Variants in ZNF585B observed in about 807,000 individuals in gnomAD.
ZNF585B encodes zinc finger protein 41-like protein.
A neutral mutation model predicts 14.0 loss-of-function variants in ZNF585B; 7 were observed. The observed-to-expected ratio is 0.50, with a 90% confidence interval of 0.28 to 0.94. The LOEUF (loss-of-function observed/expected upper bound fraction) is 0.94, where lower values mean the gene tolerates loss of function less well. ZNF585B is among the 40% of genes least tolerant of loss of function. The pLI is 0.09. For missense variants in ZNF585B, 750 were observed against 924.4 expected (o/e 0.81, Z 2.45); for synonymous variants, 290 against 317.3 (o/e 0.91, Z 0.91).
chr19:37,204,604 T>A (rs774310539), intron 2 of ZNF585B, among the ~76,000 whole-genome samples: 36 of 152,220 alleles, frequency 2.4e-4, no homozygotes, highest in Non-Finnish European at 3.2e-4. Context: ...AGACAAAGTC[T>A]ATCTCTTTCA....
At chr19:37,198,325 C>A (rs1409165402) in intron 2 of ZNF585B, among the ~76,000 whole-genome samples, 1 of 151,996 alleles carries the variant, frequency 6.6e-6, no homozygotes, top group Non-Finnish European at 1.5e-5. Flanking sequence ...GCATGTGCCA[C>A]CATGCCCGGC....
At chr19:37,205,269 A>T (rs1419488516) in intron 2 of ZNF585B, among the ~76,000 whole-genome samples, 1 of 152,136 alleles carries the variant, frequency 6.6e-6, no homozygotes, top group Non-Finnish European at 1.5e-5. Flanking sequence ...GAATAAAATT[A>T]TTAAGATACT....
Position 37,186,238 on chromosome 19 carries a change from A to G in ZNF585B, c.1299T>C (p.Thr433=), listed in dbSNP as rs1466584171. Residue 433 remains threonine, a synonymous_variant, in exon 5 of 5, where the codon ACT becomes ACC. Transcript: ENST00000532828. Reference sequence around the variant, plus strand: ...GACCACATTTATAAGGTTTCTCTCCAGTATGAATTATTTGATGTGTAATCA... The same window carrying G: ...GACCACATTTATAAGGTTTCTCTCCGGTATGAATTATTTGATGTGTAATCA... ...AHLITHQIIH[T]GEKPYKCGHC... The G allele has an allele frequency of 1.2e-6, 2 of 1,614,230 alleles. No homozygotes were observed. The highest frequency in any genetic ancestry group is 2.7e-5 in the African/African-American group (2 of 75,068).
intron 1 of ZNF585B, among the ~76,000 whole-genome samples, chr19:37,208,263 G>A (rs564673023): frequency 2.0e-3 from 298 of 152,138 alleles, no homozygotes; most frequent in Non-Finnish European, 3.2e-3. Flanking sequence ...GAGCCACCGC[G>A]CCCAACCCAC....
rs756216874 is a variant in ZNF585B, at chr19:37,186,318, C to A, written c.1219G>T (p.Glu407Ter). The A allele has an allele frequency of 8.1e-6, 13 of 1,613,988 alleles. No individual in the cohort carries two copies. Among genetic ancestry groups the A allele is most frequent in the Non-Finnish European group, 1.1e-5 (13 of 1,179,932 alleles). Residue 407 changes from glutamate (E) to a stop codon, truncating the protein, a stop_gained, in exon 5 of 5, where the codon GAA becomes TAA. Coordinates refer to ENST00000532828, the MANE Select transcript of ZNF585B (RefSeq NM_152279.4). LOFTEE classifies it low-confidence loss of function (END_TRUNC). ...LTVHQRIHTG[E>*]KSYICMKCGL... The stretch of plus-strand genomic sequence containing the variant: ...CATTTCATGCATATATACGATTTTT[C>A]TCCTGTATGAATTCTCTGATGCACT...
chr19:37,199,357 T>G, intron 2 of ZNF585B: 4 of 357,912 alleles, frequency 1.1e-5, no homozygotes, highest in South Asian at 8.5e-5. Flanking sequence ...TGAAACTGTC[T>G]CTACAAAAAA....
Position 37,207,069 on chromosome 19 carries a change from C to T in ZNF585B, c.43G>A (p.Ala15Thr). 6.2e-7 allele frequency: 1 copy of T among 1,614,140 alleles called. No homozygotes were observed. The highest frequency in any genetic ancestry group is 8.5e-7 in the Non-Finnish European group (1 of 1,180,030). The change falls in exon 2 of 5, where the codon GCT (alanine) becomes ACT (threonine). Residue 15 changes from alanine (A) to threonine (T), a missense_variant. By Grantham distance (58) the Ala-to-Thr change is moderately conservative (BLOSUM62 0). Coordinates refer to ENST00000532828, the MANE Select transcript of ZNF585B (RefSeq NM_152279.4). The part of the protein sequence containing the change: ...WTSPQKSSAL[A>T]PEDHGSSYEG... ...TAGGAGCTGCCATGATCCTCTGGAG[C>T]CAGGGCTGAGGATTTCTGGGGTGAG...
intron 4 of ZNF585B, 89 bp from the exon 5 acceptor site, chr19:37,187,333 A>G (rs913656660): frequency 2.0e-6 from 2 of 990,232 alleles, no homozygotes; most frequent in Non-Finnish European, 1.5e-6. Flanking sequence ...CGTTTCTATC[A>G]TGAATGTGTA....
Position 37,187,294 on chromosome 19 carries a change from AG to A in ZNF585B, c.293-51del, listed in dbSNP as rs1196173679. 6 of 1,324,056 alleles carry A rather than the reference AG, an allele frequency of 4.5e-6. No individual in the cohort carries two copies. In the East Asian group the frequency reaches 1.4e-4, roughly 31 times the overall value. 82.0% of individuals were successfully genotyped at this position (1,324,056 alleles called of 1,614,324 possible). A position where few individuals can be genotyped will look rare whatever the true frequency, so the allele number is the denominator to read the frequency against. ...TATAGAAAGACATTTTACCATAGTT[AG>A]TACTCTTCTTAACATTCTTTGAAGC... On this transcript the variant is annotated intron_variant, in intron 4 of 4. Coordinates refer to ENST00000532828, the MANE Select transcript of ZNF585B (RefSeq NM_152279.4).
In ZNF585B at chr19:37,185,623, C is replaced by T. The variant is rs749217133; in HGVS notation, c.1914G>A (p.Glu638=). The T allele has an allele frequency of 5.0e-6, 8 of 1,614,046 alleles. No homozygotes were observed. The Admixed American group carries it at 1.3e-4, about 27-fold the overall frequency. Residue 638 remains glutamate (E), a synonymous_variant, in exon 5 of 5, where the codon GAG becomes GAA. Transcript: ENST00000532828. ...ACCTGCCACTAAAGGCTTTCCCACA[C>T]TCGGCACACACATAGGGTTTCTCTC... ...HTGEKPYVCA[E]CGKAFSGRSN...
At chr19:37,209,399 G>A (rs919652828) in intron 1 of ZNF585B, among the ~76,000 whole-genome samples, 1 of 152,016 alleles carries the variant, frequency 6.6e-6, no homozygotes, top group African/African-American at 2.4e-5. Flanking sequence ...CACCAGGCCC[G>A]GTCAGTCATA....
At chr19:37,196,094 A>C (rs993809389) in intron 2 of ZNF585B, 20 of 152,220 alleles carry the variant, frequency 1.3e-4, no homozygotes, top group African/African-American at 4.8e-4. Flanking sequence ...AAAATCAAAG[A>C]GGAAGACCTC....
Position 37,187,079 on chromosome 19 carries a change from G to A in ZNF585B, c.458C>T (p.Thr153Ile), listed in dbSNP as rs1315868429. 7 of 1,613,828 alleles carry A rather than the reference G, an allele frequency of 4.3e-6. No individual in the cohort carries two copies. The African/African-American group carries it at 6.7e-5, about 15-fold the overall frequency. ...SQFKVHLKVP[T>I]GEKLYVCIEC... ...AATACATACATAGAGTTTTTCTCCT[G>A]TAGGAACTTTCAGATGTACCTTGAA... Residue 153 changes from threonine (T) to isoleucine (I), a missense_variant, in exon 5 of 5, where the codon ACA becomes ATA. This residue lies in a region of ZNF585B where 517 missense variants were observed against 570.3 expected (regional missense o/e 0.91). Transcript: ENST00000532828.
chr19:37,200,312 G>A (rs1972517603), intron 2 of ZNF585B, among the ~76,000 whole-genome samples: 1 of 151,836 alleles, frequency 6.6e-6, no homozygotes, highest in African/African-American at 2.4e-5. Context: ...AGCACTTTGG[G>A]AGGCTGAGGT....
At chr19:37,202,746 G>A (rs1208673630) in intron 2 of ZNF585B, among the ~76,000 whole-genome samples, 1 of 151,356 alleles carries the variant, frequency 6.6e-6, no homozygotes, top group Non-Finnish European at 1.5e-5. Context: ...GAGTTCAGGC[G>A]ATTCTCCTGC....
intron 3 of ZNF585B, 125 bp downstream of exon 3, chr19:37,189,899 A>G (rs1445893515): frequency 5.1e-6 from 8 of 1,559,612 alleles, no homozygotes; most frequent in Non-Finnish European, 6.9e-6. Flanking sequence ...CTAAACAAAC[A>G]GAGAACCCTG....
At chr19:37,203,889 A>G (rs558815077) in intron 2 of ZNF585B, among the ~76,000 whole-genome samples, 372 of 152,338 alleles carry the variant, frequency 2.4e-3, no homozygotes, top group Non-Finnish European at 4.4e-3. Context: ...CGGCCTCCCA[A>G]AGTGCTGGGA....
At position 37,185,890 on chromosome 19, in the gene ZNF585B, C is replaced by G. The variant is rs1324896819; in HGVS notation, c.1647G>C (p.Gln549His). The G allele has an allele frequency of 2.5e-6, 4 of 1,613,588 alleles. No homozygotes were observed. The Admixed American group carries it at 5.0e-5, about 20-fold the overall frequency. ...IHQKIHTGER[Q>H]YECHECGKAF... ...CTTTCCCACATTCGTGGCATTCATA[C>G]TGTCTCTCTCCAGTGTGAATTTTCT... Residue 549 changes from glutamine to histidine, a missense_variant, in exon 5 of 5, where the codon CAG (glutamine) becomes CAC (histidine). Gln to His is a conservative substitution (Grantham distance 24). Around this residue, in one of 2 missense-constraint regions of ZNF585B, gnomAD observed 233 missense variants for 354.1 expected, o/e 0.66. Coordinates refer to ENST00000532828, the MANE Select transcript of ZNF585B (RefSeq NM_152279.4).
At chr19:37,187,344 G>T (rs1485567550) in intron 4 of ZNF585B, 100 bp from the exon 5 acceptor site, 2 of 916,598 alleles carry the variant, frequency 2.2e-6, no homozygotes, top group Non-Finnish European at 3.2e-6. Flanking sequence ...TGAATGTGTA[G>T]ATCTAAATTA....
Sources: gnomAD v4.1 joint callset for allele counts (sites outside exome capture counted in the v4.1 genomes callset) on GRCh38, gnomAD v4.1.1 for gene constraint, gnomAD v4.1.1 regional missense constraint, MANE v1.5 for transcripts, NCBI Gene and HGNC (gene_info 2026-07-23, HGNC 2026-07-21) for gene names.